Variants in GRIP1 observed in about 807,000 individuals in gnomAD.
The protein encoded by GRIP1 is glutamate receptor-interacting protein 1.
Under a neutral mutation model 129.9 loss-of-function variants are expected in GRIP1, and 45 were observed. The observed-to-expected ratio is 0.35, with a 90% CI of 0.27 to 0.44. The LOEUF is 0.44. Among genes scored for constraint, GRIP1 ranks in the 20% least tolerant of loss-of-function variants. GRIP1 has a pLI of 1.00. For missense variants in GRIP1, 1,196 were observed against 1,396.8 expected (o/e 0.86, Z 2.29); for synonymous variants, 530 against 520.8 (o/e 1.02, Z -0.24).
At chr12:66,350,692 C>T (rs2054182825) in intron 24 of GRIP1, among the ~76,000 whole-genome samples, 1 of 152,110 alleles carries the variant, frequency 6.6e-6, no homozygotes, top group Non-Finnish European at 1.5e-5. Context: ...CCAGACTGCT[C>T]TATCACAATG....
intron 2 of GRIP1, among the ~76,000 whole-genome samples, chr12:66,553,435 G>A (rs56072705): frequency 0.12 from 18,959 of 151,732 alleles, 1,314 homozygotes; most frequent in Middle Eastern, 0.18. Context: ...AGTAAATGAT[G>A]TAGACTTAGT....
intron 1 of GRIP1, among the ~76,000 whole-genome samples, chr12:66,743,052 A>C (rs780229078): frequency 6.6e-6 from 1 of 152,170 alleles, no homozygotes; most frequent in Non-Finnish European, 1.5e-5. Context: ...ACAAACAAGC[A>C]GCCGTCCAAA....
chr12:66,946,615 C>G (rs1418411130), intron 1 of GRIP1, among the ~76,000 whole-genome samples: 1 of 151,708 alleles, frequency 6.6e-6, no homozygotes, highest in African/African-American at 2.4e-5. Flanking sequence ...TTGCAGGGCC[C>G]CCTTGCCAGA....
intron 19 of GRIP1, among the ~76,000 whole-genome samples, chr12:66,384,712 C>T (rs1304092683): frequency 2.6e-5 from 4 of 152,096 alleles, no homozygotes; most frequent in African/African-American, 9.7e-5. Flanking sequence ...TTTCATCAGG[C>T]CTGAAACAAA....
chr12:67,030,842 AAGG>A (rs2043011630), intron 1 of GRIP1, among the ~76,000 whole-genome samples: 1 of 152,140 alleles, frequency 6.6e-6, no homozygotes, highest in African/African-American at 2.4e-5. Flanking sequence ...CAGAGGTTTG[AAGG>A]AGAAGAAATA....
chr12:66,795,911 G>T (rs987704176), intron 1 of GRIP1, among the ~76,000 whole-genome samples: 2 of 152,096 alleles, frequency 1.3e-5, no homozygotes, highest in Non-Finnish European at 2.9e-5. Flanking sequence ...AACAAACAAC[G>T]ACTATAAAGC....
At chr12:66,595,306 T>G (rs2064004722) in intron 2 of GRIP1, among the ~76,000 whole-genome samples, 1 of 152,214 alleles carries the variant, frequency 6.6e-6, no homozygotes, top group Admixed American at 6.5e-5. Context: ...GTATTTAACA[T>G]GTAACTTAAA....
intron 1 of GRIP1, among the ~76,000 whole-genome samples, chr12:66,840,046 G>T (rs1022050392): frequency 2.0e-5 from 3 of 152,088 alleles, no homozygotes; most frequent in African/African-American, 7.2e-5. Context: ...CCCAGGCTTT[G>T]GTCCTGCACT....
At chr12:66,621,479 C>T (rs1346786135) in intron 1 of GRIP1, among the ~76,000 whole-genome samples, 1 of 109,158 alleles carries the variant, frequency 9.2e-6, no homozygotes, top group Non-Finnish European at 2.2e-5. Flanking sequence ...TGTATGTATA[C>T]ATTTTGTTTA....
intron 1 of GRIP1, among the ~76,000 whole-genome samples, chr12:66,801,189 A>T (rs191259559): frequency 3.2e-4 from 48 of 152,248 alleles, no homozygotes; most frequent in Admixed American, 9.2e-4. Flanking sequence ...ACATTTTAAA[A>T]GACTAAAACC....
chr12:66,940,735 TA>T (rs1376644015), intron 1 of GRIP1, among the ~76,000 whole-genome samples: 3 of 152,128 alleles, frequency 2.0e-5, no homozygotes, highest in African/African-American at 7.2e-5. Context: ...AAAAGCAAAT[TA>T]TAGAAAGTTT....
At chr12:66,647,535 C>T (rs1423797105) in intron 1 of GRIP1, among the ~76,000 whole-genome samples, 1 of 152,152 alleles carries the variant, frequency 6.6e-6, no homozygotes, top group Admixed American at 6.5e-5. Flanking sequence ...ATTCCTGAGG[C>T]TTGTTCATGG....
At chr12:66,639,162 CCTATTA>C (rs1466082379) in intron 1 of GRIP1, among the ~76,000 whole-genome samples, 3 of 151,998 alleles carry the variant, frequency 2.0e-5, no homozygotes, top group Middle Eastern at 3.4e-3. Context: ...GTTAGGTATT[CCTATTA>C]CTATTAGTAT....
chr12:66,995,365 TA>T (rs1477384767), intron 1 of GRIP1, among the ~76,000 whole-genome samples: 1 of 152,030 alleles, frequency 6.6e-6, no homozygotes, highest in East Asian at 1.9e-4. Flanking sequence ...CATCAAAATT[TA>T]AAACTTATTC....
chr12:66,773,516 A>G (rs1208792908), intron 1 of GRIP1, among the ~76,000 whole-genome samples: 2 of 152,080 alleles, frequency 1.3e-5, no homozygotes, highest in Non-Finnish European at 2.9e-5. Context: ...ATGAGAACAC[A>G]CGGACATAGG....
At chr12:66,744,951 A>G (rs1325397590) in intron 1 of GRIP1, among the ~76,000 whole-genome samples, 1 of 152,202 alleles carries the variant, frequency 6.6e-6, no homozygotes, top group Non-Finnish European at 1.5e-5. Context: ...TCTGGTTTTA[A>G]CAATCATTCT....
intron 1 of GRIP1, among the ~76,000 whole-genome samples, chr12:66,836,932 C>T (rs1413165472): frequency 3.3e-5 from 5 of 152,178 alleles, no homozygotes; most frequent in Admixed American, 6.5e-5. Flanking sequence ...AAGGTACATT[C>T]ATGTTGTTGT....
At chr12:66,392,922 A>G in intron 17 of GRIP1, 106 bp from the exon 18 acceptor site, 1 of 1,104,086 alleles carries the variant, frequency 9.1e-7, no homozygotes, top group Non-Finnish European at 1.4e-6. Flanking sequence ...AGACTTGGTA[A>G]GGATCTCCAG....
At position 66,550,201 on chromosome 12, in the gene GRIP1, A is replaced by G. The variant is rs575618061; in HGVS notation, c.137-8251T>C. ...CTTATTAACAAGTTATTTAGTTTTC[A>G]CGGGTCTTAGTTTCCTCACATCTAA... On this transcript the variant is annotated intron_variant, in intron 2 of 24. Transcript: ENST00000359742. 2.6e-5 allele frequency among the ~76,000 whole-genome samples: 4 copies of G among 152,308 alleles called. No individual in the cohort carries two copies. The East Asian group carries it at 7.7e-4, about 29-fold the overall frequency.
Sources: gnomAD v4.1 joint callset for allele counts (sites outside exome capture counted in the v4.1 genomes callset) on GRCh38, gnomAD v4.1.1 for gene constraint, MANE v1.5 for transcripts, NCBI Gene and HGNC (gene_info 2026-07-23, HGNC 2026-07-21) for gene names.